The following USP49 variants were observed in gnomAD, a reference collection of about 807,000 sequenced individuals.
USP49 encodes ubiquitin specific peptidase 49.
A neutral mutation model predicts 58.6 loss-of-function variants in USP49; 24 were observed. That is an observed-to-expected ratio of 0.41 (90% CI 0.30 to 0.58). USP49 has a LOEUF of 0.58. USP49 is among the 20% of genes least tolerant of loss of function. The pLI is 0.30. For synonymous variants in USP49, 408 were observed against 365.1 expected (o/e 1.12, Z -1.34); for missense variants, 703 against 866.1 (o/e 0.81, Z 2.36).
In USP49 at chr6:41,796,799, T is replaced by G. The variant is rs558818812; in HGVS notation, c.1877-76A>C. 3 of 682,446 alleles carry G rather than the reference T, an allele frequency of 4.4e-6. No homozygotes were observed. In the African/African-American group the frequency reaches 5.3e-5, roughly 12 times the overall value. 42.3% of individuals were successfully genotyped at this position (682,446 alleles called of 1,614,324 possible). A position where few individuals can be genotyped will look rare whatever the true frequency, so the allele number is the denominator to read the frequency against. ...TTAGTCAGCAGGCAAAATCAGGAGA[T>G]GAAGAAAGGGACAGAGAAGTTCTGA... On this transcript the variant is annotated intron_variant, in intron 7 of 7. Transcript: ENST00000682992.
chr6:41,826,867 G>A (rs964343075), intron 3 of USP49, among the ~76,000 whole-genome samples: 5 of 152,122 alleles, frequency 3.3e-5, no homozygotes, highest in Admixed American at 6.5e-5. Flanking sequence ...AGTAAGAGGC[G>A]AGCATCCTCT....
intron 3 of USP49, among the ~76,000 whole-genome samples, chr6:41,867,629 G>A (rs945038451): frequency 6.7e-6 from 1 of 150,274 alleles, no homozygotes; most frequent in East Asian, 2.0e-4. Context: ...GCGAGCGCCT[G>A]TAGTCCTAGC....
At chr6:41,874,526 ATAT>A (rs1774468330) in intron 2 of USP49, among the ~76,000 whole-genome samples, 2 of 152,212 alleles carry the variant, frequency 1.3e-5, no homozygotes, top group South Asian at 4.1e-4. Context: ...GCTGTTACAT[ATAT>A]TAACAAATTC....
intron 4 of USP49, among the ~76,000 whole-genome samples, chr6:41,804,513 C>T (rs1773074610): frequency 6.6e-6 from 1 of 152,184 alleles, no homozygotes; most frequent in East Asian, 1.9e-4. Flanking sequence ...ATTAGACCTC[C>T]ATTCCCACTA....
chr6:41,843,984 C>T (rs1773875208), intron 3 of USP49, among the ~76,000 whole-genome samples: 1 of 152,106 alleles, frequency 6.6e-6, no homozygotes, highest in Non-Finnish European at 1.5e-5. Context: ...GTGGAGGTGG[C>T]AGTGAGCCAA....
rs149939367 is a variant in USP49 at position 41,812,236 on chromosome 6, C to T, written c.-28-5225G>A. On this transcript the variant is annotated intron_variant, in intron 3 of 7. Coordinates refer to ENST00000682992, the MANE Select transcript of USP49 (RefSeq NM_001286554.2). ...CTGGGATTATAGGCATGCGCCACCA[C>T]GCCCGGCTAATTTTGTATTTTTAGT... Among the ~76,000 whole-genome samples the T allele has an allele frequency of 1.0e-3, 158 of 151,984 alleles. 2 individuals are homozygous for T. The highest frequency in any genetic ancestry group is 3.3e-3 in the African/African-American group (139 of 41,532).
At chr6:41,892,579 A>G (rs930733439) in intron 1 of USP49, among the ~76,000 whole-genome samples, 1 of 152,252 alleles carries the variant, frequency 6.6e-6, no homozygotes, top group South Asian at 2.1e-4. Context: ...ATACTATGCC[A>G]CTAACACAGT....
At chr6:41,870,523 C>T (rs553110782) in intron 3 of USP49, among the ~76,000 whole-genome samples, 3 of 151,824 alleles carry the variant, frequency 2.0e-5, no homozygotes, top group East Asian at 1.9e-4. Flanking sequence ...AAAGTCAAAC[C>T]TTTTACTGAG....
chr6:41,893,804 T>C (rs1282325458), intron 1 of USP49: 2 of 152,174 alleles, frequency 1.3e-5, no homozygotes, highest in African/African-American at 4.8e-5. Context: ...TTTCCTACTT[T>C]TAGGGACAAA....
At chr6:41,873,801 T>C (rs1030463948) in intron 2 of USP49, among the ~76,000 whole-genome samples, 4 of 152,160 alleles carry the variant, frequency 2.6e-5, no homozygotes, top group Non-Finnish European at 4.4e-5. Flanking sequence ...GGTAACAACT[T>C]CAATAATTAC....
At chr6:41,802,428 T>TTTA (rs1554142794) in intron 5 of USP49, among the ~76,000 whole-genome samples, 39 of 106,436 alleles carry the variant, frequency 3.7e-4, no homozygotes, top group South Asian at 3.4e-3. Context: ...TTTTATTTTA[T>TTTA]TTTATTTATT....
chr6:41,867,081 G>A (rs138238956), intron 3 of USP49, among the ~76,000 whole-genome samples: 405 of 152,266 alleles, frequency 2.7e-3, no homozygotes, highest in East Asian at 8.1e-3. Context: ...TGTCGCTTAC[G>A]CTGTACTTTA....
chr6:41,832,582 GT>G (rs919548167), intron 3 of USP49, among the ~76,000 whole-genome samples: 5 of 152,094 alleles, frequency 3.3e-5, no homozygotes, highest in African/African-American at 1.2e-4. Flanking sequence ...ACTTAAACGT[GT>G]TTTTTTCCAA....
chr6:41,797,554 A>G, intron 7 of USP49: 1 of 897,006 alleles, frequency 1.1e-6, no homozygotes, highest in Non-Finnish European at 1.3e-6. Flanking sequence ...TCCACTCTGG[A>G]GGATGAGGAC....
chr6:41,831,523 TGAGCC>T (rs1773634331), intron 3 of USP49, among the ~76,000 whole-genome samples: 1 of 147,798 alleles, frequency 6.8e-6, no homozygotes, highest in Non-Finnish European at 1.5e-5. Context: ...GAGGTTGCAG[TGAGCC>T]GAGACCGTAA....
At position 41,796,197 on chromosome 6, in the gene USP49, A is replaced by T; in HGVS notation, c.*336T>A. The T allele has an allele frequency of 4.6e-6, 1 of 219,586 alleles. No homozygotes were observed. Among genetic ancestry groups the T allele is most frequent in the Admixed American group, 5.0e-5 (1 of 19,868 alleles). The allele number at this position is 219,586 out of a possible 1,614,324, so 13.6% of individuals were successfully genotyped here. On this transcript the variant is annotated 3_prime_UTR_variant, in exon 8 of 8. Transcript: ENST00000682992. ...GATTAGCAGGGGAATCACATCATGG[A>T]GAGAAAACATGGCTGCTCTCCTGTG...
intron 3 of USP49, among the ~76,000 whole-genome samples, chr6:41,856,840 TTTA>T (rs1050522348): frequency 3.9e-5 from 6 of 152,206 alleles, no homozygotes; most frequent in Non-Finnish European, 5.9e-5. Flanking sequence ...GTTGTTCTAT[TTTA>T]TTATTGTTGT....
chr6:41,883,361 A>T (rs1355959218), intron 2 of USP49, among the ~76,000 whole-genome samples: 1 of 151,136 alleles, frequency 6.6e-6, no homozygotes, highest in Admixed American at 6.6e-5. Context: ...CTCAAAAAAA[A>T]AAAAAAAAAA....
intron 3 of USP49, among the ~76,000 whole-genome samples, chr6:41,846,044 G>A (rs772923909): frequency 5.9e-5 from 9 of 152,098 alleles, no homozygotes; most frequent in Non-Finnish European, 8.8e-5. Flanking sequence ...GGCCAGGCAC[G>A]GTGGCTCACA....
Sources: allele counts gnomAD v4.1 joint callset (sites outside exome capture counted in the v4.1 genomes callset), GRCh38; gene constraint gnomAD v4.1.1; transcripts MANE v1.5; gene names NCBI Gene and HGNC (gene_info 2026-07-23, HGNC 2026-07-21).